The following SMG6 variants were observed in gnomAD, a reference collection of about 807,000 sequenced individuals.
SMG6 encodes telomerase-binding protein EST1A.
Under a neutral mutation model 142.2 loss-of-function variants are expected in SMG6, and 66 were observed. The observed-to-expected ratio is 0.46, with a 90% CI of 0.38 to 0.57. The LOEUF (loss-of-function observed/expected upper bound fraction) is 0.57. Ranked by LOEUF, SMG6 falls within the 20% of genes least tolerant of loss-of-function variation. The pLI, the probability that SMG6 is intolerant of heterozygous loss-of-function variation, is 0.00. For synonymous variants in SMG6, 779 were observed against 702.4 expected (o/e 1.11, Z -1.72); for missense variants, 1,793 against 1,832.0 (o/e 0.98, Z 0.39).
At chr17:2,236,913 T>G in intron 9 of SMG6, 1 of 985,242 alleles carries the variant, frequency 1.0e-6, no homozygotes, top group Non-Finnish European at 1.3e-6. Context: ...TTTGGTATGC[T>G]ATTTCCTCAC....
chr17:2,227,170 T>C (rs2073343863), intron 10 of SMG6, among the ~76,000 whole-genome samples: 1 of 152,230 alleles, frequency 6.6e-6, no homozygotes, highest in South Asian at 2.1e-4. Flanking sequence ...GTTTAGCAGT[T>C]TCTTACAGAG....
intron 13 of SMG6, among the ~76,000 whole-genome samples, chr17:2,163,788 T>C (rs1173871434): frequency 6.6e-6 from 1 of 152,096 alleles, no homozygotes; most frequent in East Asian, 1.9e-4. Context: ...TTTCTTGAGC[T>C]GCTTGCTTGG....
Position 2,258,068 on chromosome 17 carries a change from T to C in SMG6, c.2662-13349A>G, listed in dbSNP as rs534930338. Among the ~76,000 whole-genome samples the C allele has an allele frequency of 2.1e-3, 259 of 121,432 alleles. 2 individuals are homozygous for C. Among genetic ancestry groups the C allele is most frequent in the African/African-American group, 3.7e-3 (118 of 32,070 alleles). The allele number at this position is 121,432 out of a possible 152,430, so 79.7% of individuals were successfully genotyped here. On this transcript the variant is annotated intron_variant, in intron 8 of 18. Transcript: ENST00000263073. ...ACACACACACACACACACACACACATATATATACATATATAGATGGTCAAA... is the reference window on the plus strand; with the variant it reads ...ACACACACACACACACACACACACACATATATACATATATAGATGGTCAAA...
At chr17:2,219,112 C>T (rs575814867) in intron 10 of SMG6, among the ~76,000 whole-genome samples, 14 of 152,346 alleles carry the variant, frequency 9.2e-5, no homozygotes, top group South Asian at 4.1e-4. Flanking sequence ...CAGCCAGGCA[C>T]GGTGGCTCAT....
rs79355504 is a variant in SMG6, at chr17:2,150,194, T to C, written c.3357+22464A>G. On this transcript the variant is annotated intron_variant, in intron 13 of 18. Coordinates refer to ENST00000263073, the MANE Select transcript of SMG6 (RefSeq NM_017575.5). ...TCACAGGAGTGGAGCGCGAACCCTA[T>C]TGTGAACCACACGTGCAAGGAATCT... is the stretch of plus-strand genomic sequence containing the variant. Among the ~76,000 whole-genome samples the C allele has an allele frequency of 1.6e-3, 246 of 152,292 alleles. 1 individual carries two copies. The East Asian group carries it at 0.035, about 22-fold the overall frequency.
intron 13 of SMG6, among the ~76,000 whole-genome samples, chr17:2,114,951 T>TAA (rs774055003): frequency 9.2e-6 from 1 of 108,778 alleles, no homozygotes; most frequent in Non-Finnish European, 1.8e-5. Flanking sequence ...TAAAATAAAA[T>TAA]AAAAAAATGA....
intron 15 of SMG6, among the ~76,000 whole-genome samples, chr17:2,078,927 A>G (rs1219767704): frequency 2.7e-5 from 4 of 146,930 alleles, no homozygotes; most frequent in Admixed American, 2.6e-4. Flanking sequence ...TGATTGGTCA[A>G]CTATGACACA....
intron 17 of SMG6, 35 bp from the exon 18 acceptor site, chr17:2,065,189 C>A (rs1483403270): frequency 1.9e-6 from 3 of 1,547,856 alleles, no homozygotes; most frequent in Non-Finnish European, 1.8e-6. Flanking sequence ...CACCACTGGG[C>A]AGAAGGGGGC....
chr17:2,138,613 A>G (rs988962072), intron 13 of SMG6, among the ~76,000 whole-genome samples: 3 of 152,202 alleles, frequency 2.0e-5, no homozygotes, highest in African/African-American at 7.2e-5. Flanking sequence ...CATATGAATC[A>G]GCAGATTCAG....
At chr17:2,082,077 A>T (rs1216610248) in intron 14 of SMG6, 121 bp from the exon 15 acceptor site, 2 of 1,029,924 alleles carry the variant, frequency 1.9e-6, no homozygotes, top group Admixed American at 4.2e-5. Flanking sequence ...ATCCCTTGCA[A>T]AGGGTCCCCT....
chr17:2,064,934 A>T, intron 18 of SMG6, 139 bp downstream of exon 18: 1 of 644,980 alleles, frequency 1.6e-6, no homozygotes, highest in Non-Finnish European at 2.7e-6. Context: ...GTTGGGCCTC[A>T]GGCATACATC....
intron 9 of SMG6, among the ~76,000 whole-genome samples, chr17:2,241,242 AC>A (rs1437641774): frequency 6.6e-6 from 1 of 152,212 alleles, no homozygotes; most frequent in African/African-American, 2.4e-5. Flanking sequence ...ATAACCTGGA[AC>A]ACAGTAAACC....
chr17:2,283,544 G>A (rs777164801), intron 7 of SMG6, 81 bp downstream of exon 7: 69 of 1,106,116 alleles, frequency 6.2e-5, no homozygotes, highest in East Asian at 9.5e-5. Flanking sequence ...CGATCCTGCC[G>A]GTGCGCAGAG....
At chr17:2,128,419 C>T (rs1212875598) in intron 13 of SMG6, among the ~76,000 whole-genome samples, 1 of 152,178 alleles carries the variant, frequency 6.6e-6, no homozygotes, top group African/African-American at 2.4e-5. Context: ...GAACACTTTC[C>T]CCACTGCAGA....
At chr17:2,145,722 GAA>G (rs1045870470) in intron 13 of SMG6, among the ~76,000 whole-genome samples, 28 of 145,206 alleles carry the variant, frequency 1.9e-4, no homozygotes, top group African/African-American at 7.2e-4. Context: ...TGTACCTCCA[GAA>G]ATAAAAACAA....
intron 13 of SMG6, among the ~76,000 whole-genome samples, chr17:2,125,718 C>G (rs2069851965): frequency 6.6e-6 from 1 of 152,100 alleles, no homozygotes; most frequent in African/African-American, 2.4e-5. Flanking sequence ...TCTGGGAGGC[C>G]AAAGCGGGCA....
intron 9 of SMG6, among the ~76,000 whole-genome samples, chr17:2,243,234 C>G (rs1470546111): frequency 6.6e-6 from 1 of 152,160 alleles, no homozygotes; most frequent in South Asian, 2.1e-4. Context: ...TCATTCTTAC[C>G]CAGGTTGATA....
chr17:2,171,281 T>G (rs1002646988), intron 13 of SMG6, among the ~76,000 whole-genome samples: 1 of 151,120 alleles, frequency 6.6e-6, no homozygotes, highest in East Asian at 1.9e-4. Flanking sequence ...CTAAAAATAA[T>G]AATAATAAAA....
intron 13 of SMG6, among the ~76,000 whole-genome samples, chr17:2,149,587 T>C (rs1286260297): frequency 1.3e-5 from 2 of 152,168 alleles, no homozygotes; most frequent in African/African-American, 4.8e-5. Flanking sequence ...GTGACCCCCA[T>C]ACACCTGGAG....
Sources: allele counts gnomAD v4.1 joint callset (sites outside exome capture counted in the v4.1 genomes callset), GRCh38; gene constraint gnomAD v4.1.1; transcripts MANE v1.5; gene names NCBI Gene and HGNC (gene_info 2026-07-23, HGNC 2026-07-21).